RGS6: variants seen among roughly 807,000 people sequenced by gnomAD.
The protein encoded by RGS6 is regulator of G protein signaling 6, also known as regulator of G-protein signaling 6.
RGS6 carries 30 observed loss-of-function variants against 78.5 expected under a neutral mutation model. The observed-to-expected ratio is 0.38, with a 90% CI of 0.29 to 0.52. RGS6 has a LOEUF of 0.52. Ranked by LOEUF, RGS6 falls within the 20% of genes least tolerant of loss-of-function variation. The pLI is 0.85. For missense variants in RGS6, 495 were observed against 609.7 expected (o/e 0.81, Z 1.98); for synonymous variants, 206 against 206.0 (o/e 1.00, Z 0.00).
chr14:72,107,748 T>C (rs570432197), intron 2 of RGS6, among the ~76,000 whole-genome samples: 2 of 152,304 alleles, frequency 1.3e-5, no homozygotes, highest in South Asian at 4.1e-4. Flanking sequence ...GTATGGCATC[T>C]ATATCTTCTT....
chr14:72,618,920 T>TA, the RGS6 span, among the ~76,000 whole-genome samples: 48 of 151,944 alleles, frequency 3.2e-4, no homozygotes, highest in African/African-American at 8.9e-4. Context: ...ACACAATAGA[T>TA]AAAAAAACAC....
chr14:72,413,851 A>G (rs2093611057), intron 3 of RGS6, among the ~76,000 whole-genome samples: 1 of 152,204 alleles, frequency 6.6e-6, no homozygotes, highest in African/African-American at 2.4e-5. Flanking sequence ...TGGATATGAA[A>G]TTCTGGATTG....
At chr14:72,498,608 A>G (rs2096675903) in intron 13 of RGS6, among the ~76,000 whole-genome samples, 1 of 152,058 alleles carries the variant, frequency 6.6e-6, no homozygotes, top group South Asian at 2.1e-4. Context: ...TAAAAAGTCT[A>G]ATGTGCAGCC....
intron 2 of RGS6, among the ~76,000 whole-genome samples, chr14:72,242,760 G>T (rs1278080219): frequency 6.6e-6 from 1 of 151,698 alleles, no homozygotes; most frequent in Non-Finnish European, 1.5e-5. Flanking sequence ...GTATGGACAA[G>T]GGTGAATAGT....
chr14:72,095,653 C>T (rs900494051), intron 2 of RGS6, among the ~76,000 whole-genome samples: 1 of 152,138 alleles, frequency 6.6e-6, no homozygotes, highest in Non-Finnish European at 1.5e-5. Context: ...AGAGCATTCA[C>T]AAGGAACAGA....
intron 2 of RGS6, among the ~76,000 whole-genome samples, chr14:72,255,534 T>C (rs1357083309): frequency 6.6e-6 from 1 of 152,182 alleles, no homozygotes; most frequent in African/African-American, 2.4e-5. Context: ...AGTCTCTGTT[T>C]AGGCAGACTC....
intron 17 of RGS6, among the ~76,000 whole-genome samples, chr14:72,555,161 A>C (rs1480673111): frequency 6.6e-6 from 1 of 152,194 alleles, no homozygotes; most frequent in East Asian, 1.9e-4. Context: ...GCCCCACCTT[A>C]GAAAGGGAAA....
intron 2 of RGS6, among the ~76,000 whole-genome samples, chr14:72,251,389 C>G (rs72721856): frequency 0.027 from 4,145 of 152,188 alleles, 92 homozygotes; most frequent in South Asian, 0.056. Flanking sequence ...AAAAAGTTTT[C>G]TTAATCAGAT....
chr14:72,475,517 G>A (rs997754397), intron 10 of RGS6, among the ~76,000 whole-genome samples: 12 of 152,082 alleles, frequency 7.9e-5, no homozygotes, highest in Admixed American at 7.2e-4. Flanking sequence ...ATCACCTGAG[G>A]TCGGGAGTTC....
intron 12 of RGS6, among the ~76,000 whole-genome samples, chr14:72,484,441 C>G (rs1406445880): frequency 6.6e-6 from 1 of 152,122 alleles, no homozygotes; most frequent in Non-Finnish European, 1.5e-5. Flanking sequence ...ATATATGTGT[C>G]CTTAGCTCTA....
intron 4 of RGS6, 26 bp downstream of exon 4, chr14:72,454,604 A>C (rs779078917): frequency 9.3e-6 from 15 of 1,605,958 alleles, no homozygotes; most frequent in Non-Finnish European, 1.3e-5. Context: ...CCCCACCCTT[A>C]TCTCCCCTGG....
At chr14:72,002,137 C>T (rs935359159) in intron 2 of RGS6, among the ~76,000 whole-genome samples, 2 of 151,946 alleles carry the variant, frequency 1.3e-5, no homozygotes, top group African/African-American at 2.4e-5. Context: ...AATCTACCCA[C>T]CCTTGCCTCC....
the RGS6 span, chr14:72,629,729 T>A: frequency 6.5e-7 from 1 of 1,536,026 alleles, no homozygotes; most frequent in East Asian, 2.4e-5. Context: ...GCAGGCAGGT[T>A]GGGTGACCTG....
At chr14:72,383,953 T>A (rs2087044258) in intron 3 of RGS6, among the ~76,000 whole-genome samples, 1 of 152,224 alleles carries the variant, frequency 6.6e-6, no homozygotes, top group African/African-American at 2.4e-5. Context: ...ACTGAATTGC[T>A]ACAGTTACTT....
rs147930642 is a variant in RGS6 at position 72,135,112 on chromosome 14, A to AT, written c.84+170243dup. 3.1e-3 allele frequency among the ~76,000 whole-genome samples: 472 copies of AT among 152,252 alleles called. 6 individuals are homozygous for AT. Among genetic ancestry groups the AT allele is most frequent in the African/African-American group, 0.011 (455 of 41,544 alleles). On this transcript the variant is annotated intron_variant, in intron 2 of 17. Transcript: ENST00000553525. ...TCACATATGTTTTTAAAATAGCTTA[A>AT]TTTTTTGTCTATAAGTCTTGTACAT...
At chr14:72,114,666 T>C (rs188720233) in intron 2 of RGS6, among the ~76,000 whole-genome samples, 1 of 152,286 alleles carries the variant, frequency 6.6e-6, no homozygotes, top group Admixed American at 6.5e-5. Context: ...AGTTCATAAA[T>C]ACAAATGCAA....
intron 2 of RGS6, among the ~76,000 whole-genome samples, chr14:72,129,450 C>T (rs993443233): frequency 2.0e-4 from 31 of 152,224 alleles, no homozygotes; most frequent in African/African-American, 7.2e-4. Context: ...CTGTTCCACA[C>T]ACCTCACCCT....
At chr14:72,289,617 T>TGAA (rs1379600081) in intron 2 of RGS6, among the ~76,000 whole-genome samples, 3 of 152,192 alleles carry the variant, frequency 2.0e-5, no homozygotes, top group African/African-American at 7.2e-5. Flanking sequence ...ACTACCTTTT[T>TGAA]CAAATGCTGA....
rs1326906539 is a variant in RGS6, at chr14:72,459,674, A to G, written c.385A>G (p.Thr129Ala). ...TTCGAACTGCTGGGAACCTGAAAAC[A>G]CTGACTATGGTGAGAACTGAAGCCA... is the stretch of plus-strand genomic sequence containing the variant. ...WPSNCWEPEN[T>A]DYAIYLCKRT... is the part of the protein sequence containing the mutation. Residue 129 changes from threonine (T) to alanine (A), a missense_variant, in exon 6 of 18, where the codon ACT becomes GCT. Physicochemically the swap from Thr to Ala is moderately conservative, Grantham distance 58. Coordinates refer to ENST00000553525, the MANE Select transcript of RGS6 (RefSeq NM_001204424.2). The G allele has an allele frequency of 6.2e-7, 1 of 1,614,132 alleles. No homozygotes were observed. The highest frequency in any genetic ancestry group is 8.5e-7 in the Non-Finnish European group (1 of 1,180,014).
Sources: allele counts gnomAD v4.1 joint callset (sites outside exome capture counted in the v4.1 genomes callset), GRCh38; gene constraint gnomAD v4.1.1; transcripts MANE v1.5; gene names NCBI Gene and HGNC (gene_info 2026-07-23, HGNC 2026-07-21).